Variants in EFCAB13 observed in about 807,000 individuals in gnomAD.
The protein encoded by EFCAB13 is EF-hand calcium-binding domain-containing protein 13.
In EFCAB13, 91 loss-of-function variants were observed where a neutral mutation model predicts 110.2. The ratio of observed to expected loss-of-function variants is 0.83; its 90% CI spans 0.70 to 0.98. The LOEUF is 0.98. EFCAB13 is among the 50% of genes least tolerant of loss of function. The pLI, the probability that EFCAB13 is intolerant of heterozygous loss-of-function variation, is 0.00. For missense variants in EFCAB13, 968 were observed against 1,119.4 expected (o/e 0.86, Z 1.93); for synonymous variants, 323 against 369.9 (o/e 0.87, Z 1.45).
intron 23 of EFCAB13, among the ~76,000 whole-genome samples, chr17:47,421,905 CT>C (rs1340724242): frequency 6.6e-6 from 1 of 152,130 alleles, no homozygotes; most frequent in Non-Finnish European, 1.5e-5. Flanking sequence ...TAGTATCACT[CT>C]TACATAAACT....
chr17:47,377,972 G>C, intron 13 of EFCAB13, 69 bp downstream of exon 13: 2 of 1,366,260 alleles, frequency 1.5e-6, no homozygotes, highest in Non-Finnish European at 2.0e-6. Flanking sequence ...TTAAATATTG[G>C]AGGAATTCCT....
Position 47,395,736 on chromosome 17 carries a change from C to T in EFCAB13, c.1802-98C>T, listed in dbSNP as rs2065733235. ...ATGCTATATTTATTATTCTTTTAAA[C>T]CATAAAAACCTTAATTTTTGTCTAT... On this transcript the variant is annotated intron_variant, in intron 16 of 24. Transcript: ENST00000331493. The T allele has an allele frequency of 4.0e-6, 4 of 1,010,850 alleles. No homozygotes were observed. In the African/African-American group the frequency reaches 6.5e-5, roughly 16 times the overall value. 62.6% of individuals were successfully genotyped at this position (1,010,850 alleles called of 1,614,324 possible).
intron 24 of EFCAB13, among the ~76,000 whole-genome samples, chr17:47,434,969 A>G (rs1905185919): frequency 6.6e-6 from 1 of 152,192 alleles, no homozygotes; most frequent in South Asian, 2.1e-4. Context: ...TCTTCTAGAC[A>G]TTGGCTTAGG....
At chr17:47,377,301 A>G (rs1474783026) in intron 12 of EFCAB13, among the ~76,000 whole-genome samples, 1 of 152,144 alleles carries the variant, frequency 6.6e-6, no homozygotes, top group Non-Finnish European at 1.5e-5. Context: ...AGCTGGGACT[A>G]CACACATGCA....
At chr17:47,364,251 C>T (rs997770250) in intron 10 of EFCAB13, among the ~76,000 whole-genome samples, 1 of 152,124 alleles carries the variant, frequency 6.6e-6, no homozygotes, top group Non-Finnish European at 1.5e-5. Flanking sequence ...TATTTAAAGT[C>T]TTAGATACAT....
At chr17:47,348,719 A>T (rs2065431914) in intron 9 of EFCAB13, among the ~76,000 whole-genome samples, 1 of 152,060 alleles carries the variant, frequency 6.6e-6, no homozygotes, top group East Asian at 1.9e-4. Flanking sequence ...ATATCTTTTC[A>T]TGTGCTTGTT....
intron 24 of EFCAB13, chr17:47,430,237 A>G: frequency 9.6e-7 from 1 of 1,045,266 alleles, no homozygotes; most frequent in East Asian, 7.1e-5. Flanking sequence ...CACAGTGGTC[A>G]ATCAGAATGC....
intron 17 of EFCAB13, among the ~76,000 whole-genome samples, chr17:47,397,092 G>C (rs1046888703): frequency 7.9e-6 from 1 of 127,020 alleles, no homozygotes; most frequent in Non-Finnish European, 1.6e-5. Context: ...CTGCCATCTC[G>C]GCTCACTGCA....
At chr17:47,409,935 C>A (rs2065825103) in intron 21 of EFCAB13, among the ~76,000 whole-genome samples, 1 of 152,052 alleles carries the variant, frequency 6.6e-6, no homozygotes, top group African/African-American at 2.4e-5. Context: ...GTACCATTAT[C>A]CTTGCTTTCT....
intron 11 of EFCAB13, 41 bp downstream of exon 11, chr17:47,370,549 T>A: frequency 7.5e-7 from 1 of 1,325,218 alleles, no homozygotes; most frequent in Non-Finnish European, 1.1e-6. Flanking sequence ...TTGTTTATAA[T>A]TAAAGTCTTT....
At chr17:47,325,933 T>TATATATATATATC (rs2143201979) in intron 2 of EFCAB13, among the ~76,000 whole-genome samples, 1 of 39,896 alleles carries the variant, frequency 2.5e-5, no homozygotes, top group East Asian at 7.1e-4. Flanking sequence ...AATATATATA[T>TATATATATATATC]ATATATATAT....
chr17:47,370,763 C>T (rs1382217479), intron 11 of EFCAB13, among the ~76,000 whole-genome samples: 4 of 109,822 alleles, frequency 3.6e-5, no homozygotes, highest in East Asian at 2.9e-4. Flanking sequence ...TTTTTTGAGG[C>T]GGAGTTTTGC....
chr17:47,371,069 T>G (rs1248271708), intron 11 of EFCAB13, among the ~76,000 whole-genome samples: 1 of 150,764 alleles, frequency 6.6e-6, no homozygotes, highest in East Asian at 1.9e-4. Flanking sequence ...GTTGTTTTTT[T>G]TTTTTTTTTT....
chr17:47,371,803 G>A (rs1201616772), intron 11 of EFCAB13, among the ~76,000 whole-genome samples: 2 of 152,104 alleles, frequency 1.3e-5, no homozygotes, highest in African/African-American at 4.8e-5. Context: ...TAGTAGGGAT[G>A]GGGTTTCAAC....
In EFCAB13 at chr17:47,370,458, G is replaced by A. The variant is rs753294166; in HGVS notation, c.827G>A (p.Gly276Glu). 6 of 1,604,392 alleles carry A rather than the reference G, an allele frequency of 3.7e-6. No homozygotes were observed. Among genetic ancestry groups the A allele is most frequent in the Admixed American group, 3.3e-5 (2 of 59,890 alleles). The change falls in exon 11 of 25, where the codon GGG becomes GAG. Residue 276 changes from glycine (G) to glutamate (E), a missense_variant. Physicochemically the swap from Gly to Glu is moderately conservative, Grantham distance 98 (BLOSUM62 -2). Coordinates refer to ENST00000331493, the MANE Select transcript of EFCAB13 (RefSeq NM_152347.5). ...YIDSNHMVDI[G>E]DIIFTLNELQ... ...ACAGGTAACCACATGGTGGATATTG[G>A]GGATATTATATTTACTTTGAATGAG...
At chr17:47,383,127 A>C (rs946977357) in intron 14 of EFCAB13, among the ~76,000 whole-genome samples, 3 of 152,060 alleles carry the variant, frequency 2.0e-5, no homozygotes, top group Non-Finnish European at 4.4e-5. Context: ...GTCAGTGCTG[A>C]TATCCCCTTT....
intron 9 of EFCAB13, among the ~76,000 whole-genome samples, chr17:47,350,157 T>C (rs2065441590): frequency 6.6e-6 from 1 of 152,156 alleles, no homozygotes; most frequent in Non-Finnish European, 1.5e-5. Context: ...GTAACTGATT[T>C]TGGGGTTGGG....
At chr17:47,389,373 AT>A (rs1191945156) in intron 14 of EFCAB13, among the ~76,000 whole-genome samples, 1 of 152,128 alleles carries the variant, frequency 6.6e-6, no homozygotes, top group Non-Finnish European at 1.5e-5. Flanking sequence ...TCAAGGAAGC[AT>A]TGTGTGAGTT....
intron 20 of EFCAB13, among the ~76,000 whole-genome samples, chr17:47,408,608 C>T (rs758907917): frequency 2.0e-5 from 3 of 152,132 alleles, no homozygotes; most frequent in Non-Finnish European, 2.9e-5. Context: ...GCCAAGATCA[C>T]GTCATTGCAC....
Sources: gnomAD v4.1 joint callset for allele counts (sites outside exome capture counted in the v4.1 genomes callset) on GRCh38, gnomAD v4.1.1 for gene constraint, MANE v1.5 for transcripts, NCBI Gene and HGNC (gene_info 2026-07-23, HGNC 2026-07-21) for gene names.